FAM120C: variants seen among roughly 807,000 people sequenced by gnomAD.
FAM120C encodes family with sequence similarity 120 member C, also known as constitutive coactivator of PPAR-gamma-like protein 2.
A neutral mutation model predicts 71.2 loss-of-function variants in FAM120C; 14 were observed. The ratio of observed to expected loss-of-function variants is 0.20; its 90% CI spans 0.13 to 0.31. The LOEUF (loss-of-function observed/expected upper bound fraction) is 0.31, where lower values mean the gene tolerates loss of function less well. Among genes scored for constraint, FAM120C ranks in the 10% least tolerant of loss-of-function variants. FAM120C has a pLI of 1.00. For synonymous variants in FAM120C, 354 were observed against 353.2 expected, an observed-to-expected ratio of 1.00 and a Z score of -0.03; for missense variants, 500 against 879.0, an observed-to-expected ratio of 0.57 and a Z score of 5.45.
At chrX:54,137,455 A>T (rs1557130815) in intron 4 of FAM120C, among the ~76,000 whole-genome samples, 1 of 111,171 alleles carries the variant, frequency 9.0e-6, no homozygotes. Context: ...CTTTATGTAC[A>T]ATTTTGTATC....
At chrX:54,074,619 G>A (rs782547934) in intron 15 of FAM120C, among the ~76,000 whole-genome samples, 10 of 112,145 alleles carry the variant, frequency 8.9e-5, no homozygotes, top group Non-Finnish European at 1.7e-4. Context: ...ATTTCTCCAT[G>A]TTGGTCAGGC....
chrX:54,165,101 CTTCA>C (rs1557134961), intron 1 of FAM120C, among the ~76,000 whole-genome samples: 1 of 111,965 alleles, frequency 8.9e-6, no homozygotes, highest in Non-Finnish European at 1.9e-5. Context: ...CCCATAAATA[CTTCA>C]TTATTTAACT....
chrX:54,110,011 C>CTTTTTTTTTTTTTTTTTTTTTTTTTTT (rs782078837), intron 10 of FAM120C, among the ~76,000 whole-genome samples: 1 of 61,436 alleles, frequency 1.6e-5, no homozygotes, highest in Non-Finnish European at 2.7e-5. Flanking sequence ...AGAAAAATAT[C>CTTTTTTTTTTTTTTTTTTTTTTTTTTT]TTTTTTTTTT....
rs782041088 is a variant in FAM120C at position 54,135,565 on chromosome X, C to T, written c.1298G>A (p.Arg433Gln). 2.1e-5 allele frequency: 25 copies of T among 1,208,446 alleles called. No individual in the cohort carries two copies. In the South Asian group the frequency reaches 2.7e-4, roughly 13 times the overall value. The change falls in exon 6 of 16, where the codon CGA becomes CAA. Residue 433 changes from arginine (R) to glutamine (Q), a missense_variant. By Grantham distance (43) the Arg-to-Gln change is conservative (BLOSUM62 1). Around this residue, in one of 11 missense-constraint regions of FAM120C, gnomAD observed 55 missense variants for 96.7 expected, o/e 0.57. Transcript: ENST00000375180. ...AGCAGAAATGGTGCCCACTTGATTT[C>T]GTGGAAGGGGAGGATTTCCAAGCCT... ...NNRLGNPPLP[R>Q]NQVGTISAGK...
At chrX:54,118,693 TTTTTTC>T (rs2066987730) in intron 9 of FAM120C, among the ~76,000 whole-genome samples, 1 of 91,092 alleles carries the variant, frequency 1.1e-5, no homozygotes, top group Non-Finnish European at 2.1e-5. Flanking sequence ...GTATTTTTCT[TTTTTTC>T]TTTTTTTTTT....
chrX:54,080,459 C>G (rs920700249), intron 14 of FAM120C, among the ~76,000 whole-genome samples, 170 bp from the exon 15 acceptor site: 5 of 111,990 alleles, frequency 4.5e-5, no homozygotes. Context: ...TTGTACTGAA[C>G]TGAATTGTTC....
Position 54,134,945 on chromosome X carries a change from G to A in FAM120C, c.1502C>T (p.Ser501Phe). ...PFANWAVSYD[S>F]SASQFPNYLP... ...GTAATTGGGAAACTGGGATGCAGAA[G>A]AGTCATAGGAGACAGCCCAATTGGC... The change falls in exon 7 of 16, where the codon TCT (serine) becomes TTT (phenylalanine). Residue 501 changes from serine (S) to phenylalanine (F), a missense_variant. Transcript: ENST00000375180. The A allele has an allele frequency of 8.3e-7, 1 of 1,211,549 alleles. No individual in the cohort carries two copies. Among genetic ancestry groups the A allele is most frequent in the Non-Finnish European group, 1.1e-6 (1 of 895,462 alleles).
intron 1 of FAM120C, 145 bp from the exon 2 acceptor site, chrX:54,159,761 CTTTTTTT>C (rs782661576): frequency 6.3e-5 from 22 of 346,632 alleles, no homozygotes; most frequent in Non-Finnish European, 7.9e-5. Flanking sequence ...ACATTTTTTA[CTTTTTTT>C]TTTTTTTTTT....
chrX:54,133,505 C>T (rs1339662317), intron 8 of FAM120C, among the ~76,000 whole-genome samples: 1 of 111,595 alleles, frequency 9.0e-6, no homozygotes, highest in Non-Finnish European at 1.9e-5. Flanking sequence ...CTGTGTCCAT[C>T]CCTAGAACCA....
chrX:54,183,068 G>A lies in FAM120C; in HGVS notation c.131C>T (p.Pro44Leu), dbSNP rs371457355. The change falls in exon 1 of 16, where the codon CCG becomes CTG. Residue 44 changes from proline to leucine, a missense_variant. Physicochemically the swap from Pro to Leu is moderately conservative, Grantham distance 98. Transcript: ENST00000375180. ...QQQQHLHRQL[P>L]PTAALAPGAP... Reference sequence around the variant, plus strand: ...CCCGGGCGCTAGGGCTGCAGTCGGCGGCAGCTGGCGGTGCAAGTGCTGCTG... The same window carrying A: ...CCCGGGCGCTAGGGCTGCAGTCGGCAGCAGCTGGCGGTGCAAGTGCTGCTG... 14 of 1,155,632 alleles carry A rather than the reference G, an allele frequency of 1.2e-5. No homozygotes were observed. The highest frequency in any genetic ancestry group is 3.3e-5 in the East Asian group (1 of 30,453).
chrX:54,133,423 A>G (rs1557129786), intron 8 of FAM120C, among the ~76,000 whole-genome samples: 1 of 112,849 alleles, frequency 8.9e-6, no homozygotes, highest in African/African-American at 3.2e-5. Flanking sequence ...GGACATGTAT[A>G]AGACCAGAGG....
chrX:54,076,359 ATTT>A (rs1399405122), intron 15 of FAM120C, among the ~76,000 whole-genome samples: 1 of 110,579 alleles, frequency 9.0e-6, no homozygotes, highest in African/African-American at 3.3e-5. Context: ...AAAAAAAAGA[ATTT>A]AAGAACATAT....
chrX:54,173,071 A>C (rs2067296738), intron 1 of FAM120C, among the ~76,000 whole-genome samples: 1 of 112,618 alleles, frequency 8.9e-6, no homozygotes, highest in Non-Finnish European at 1.9e-5. Context: ...GTACTCAACA[A>C]ACACTTTTAT....
chrX:54,135,060 C>T lies in FAM120C; in HGVS notation c.1387G>A (p.Gly463Arg). 9 of 1,208,169 alleles carry T rather than the reference C, an allele frequency of 7.4e-6. No individual in the cohort carries two copies. Among genetic ancestry groups the T allele is most frequent in the Admixed American group, 2.2e-5 (1 of 45,751 alleles). ...KVKYPPPFPV[G>R]PNSSLLFSSH... ...GAGAAGAGAAGAGATGAGTTGGGTC[C>T]CACTGGGAATGGTGGTGGATATTTC... is the stretch of plus-strand genomic sequence containing the variant. The change falls in exon 7 of 16, where the codon GGA becomes AGA. Residue 463 changes from glycine to arginine, a missense_variant. Transcript: ENST00000375180.
At chrX:54,117,697 G>GA (rs1373379105) in intron 9 of FAM120C, among the ~76,000 whole-genome samples, 19 of 99,457 alleles carry the variant, frequency 1.9e-4, no homozygotes, top group Admixed American at 5.5e-4. Context: ...GACTTCGTTT[G>GA]AAAAAAAAAC....
At position 54,073,094 on chromosome X, in the gene FAM120C, CTAT is replaced by C. The variant is rs1557120226; in HGVS notation, c.3227_3229del (p.Asn1076del). On this transcript the variant is annotated inframe_deletion, in exon 16 of 16. Coordinates refer to ENST00000375180, the MANE Select transcript of FAM120C (RefSeq NM_017848.6). ...TTGCTCTTGTAAGTGGTTCTTCTCC[CTAT>C]TATTCATAGGGAGGTAGCGGTTACC... The C allele has an allele frequency of 2.5e-6, 3 of 1,211,194 alleles. No homozygotes were observed. Among genetic ancestry groups the C allele is most frequent in the Admixed American group, 2.2e-5 (1 of 45,956 alleles).
chrX:54,095,761 A>T (rs1409674123), intron 10 of FAM120C, among the ~76,000 whole-genome samples: 2 of 110,555 alleles, frequency 1.8e-5, no homozygotes, highest in Non-Finnish European at 3.8e-5. Context: ...AGTTCAAGCA[A>T]TTCTCCTGCC....
intron 1 of FAM120C, among the ~76,000 whole-genome samples, chrX:54,179,513 T>A: frequency 8.9e-6 from 1 of 112,113 alleles, no homozygotes; most frequent in Non-Finnish European, 1.9e-5. Context: ...CAATCGGTTA[T>A]TAATCAATAC....
At chrX:54,139,435 G>C (rs1186165658) in intron 4 of FAM120C, among the ~76,000 whole-genome samples, 5 of 107,851 alleles carry the variant, frequency 4.6e-5, no homozygotes, top group Non-Finnish European at 9.6e-5. Flanking sequence ...AACCTCCTGG[G>C]TTCAAGTGAT....
Sources: allele counts gnomAD v4.1 joint callset (sites outside exome capture counted in the v4.1 genomes callset), GRCh38; gene constraint gnomAD v4.1.1; regional missense constraint gnomAD v4.1.1; transcripts MANE v1.5; gene names NCBI Gene and HGNC (gene_info 2026-07-23, HGNC 2026-07-21).